The following CORO2B variants were observed in gnomAD, a reference collection of about 807,000 sequenced individuals.
CORO2B encodes the protein coronin 2B.
In CORO2B, 26 loss-of-function variants were observed where a neutral mutation model predicts 58.8. The observed-to-expected ratio is 0.44, with a 90% CI of 0.32 to 0.61. The LOEUF (loss-of-function observed/expected upper bound fraction) is 0.61. Ranked by LOEUF, CORO2B falls within the 20% of genes least tolerant of loss-of-function variation. CORO2B has a pLI of 0.04. For synonymous variants in CORO2B, 242 were observed against 253.8 expected, an observed-to-expected ratio of 0.95 and a Z score of 0.44; for missense variants, 460 against 645.1, an observed-to-expected ratio of 0.71 and a Z score of 3.11.
the CORO2B span, among the ~76,000 whole-genome samples, chr15:68,556,537 G>A: frequency 1.3e-3 from 195 of 152,330 alleles, 1 homozygote; most frequent in Admixed American, 9.9e-3. Flanking sequence ...ACTCAGGCCC[G>A]AGATGTGAGG....
upstream of CORO2B, among the ~76,000 whole-genome samples, chr15:68,576,053 G>A (rs1040676334): frequency 1.4e-5 from 2 of 147,394 alleles, no homozygotes; most frequent in South Asian, 2.2e-4. Flanking sequence ...CTCAGGAGGT[G>A]GAGGTGGGAG....
intron 1 of CORO2B, among the ~76,000 whole-genome samples, chr15:68,640,508 AT>A (rs1423293813): frequency 3.2e-5 from 3 of 93,078 alleles, no homozygotes; most frequent in African/African-American, 9.7e-5. Flanking sequence ...AGGCAATGCT[AT>A]TTAAAAAAAA....
Position 68,719,242 on chromosome 15 carries a change from A to G in CORO2B, c.1171+8A>G, listed in dbSNP as rs1407782269. On this transcript the variant is annotated splice_region_variant and intron_variant, in intron 10 of 11. Coordinates refer to ENST00000261861, the MANE Select transcript of CORO2B (RefSeq NM_006091.5). ...TGGGAGGCATCAACCGAGGTACCAC[A>G]GCGGGGGGCTCCACAGAGCACAGGC... 2 of 1,613,484 alleles carry G rather than the reference A, an allele frequency of 1.2e-6. No homozygotes were observed. Among genetic ancestry groups the G allele is most frequent in the Non-Finnish European group, 1.7e-6 (2 of 1,179,566 alleles).
intron 1 of CORO2B, chr15:68,616,477 C>T (rs970605244): frequency 1.3e-5 from 12 of 930,298 alleles, no homozygotes; most frequent in African/African-American, 3.6e-5. Context: ...TCTTGCTGCC[C>T]GGCCTGCTGG....
In CORO2B at chr15:68,579,051, G is replaced by A; in HGVS notation, c.-212G>A. ...TCATCTATTATAAATGCACATTCGG[G>A]GCTGACATCAGCGACGAGCGGCGGG... On this transcript the variant is annotated 5_prime_UTR_variant, in exon 1 of 12. Coordinates refer to ENST00000261861, the MANE Select transcript of CORO2B (RefSeq NM_006091.5). 1 of 984,532 alleles carries A rather than the reference G, an allele frequency of 1.0e-6. No homozygotes were observed. Among genetic ancestry groups the A allele is most frequent in the Non-Finnish European group, 1.2e-6 (1 of 829,672 alleles). The allele number at this position is 984,532 out of a possible 1,614,324, so 61.0% of individuals were successfully genotyped here.
the CORO2B span, among the ~76,000 whole-genome samples, chr15:68,545,027 G>A: frequency 3.9e-5 from 6 of 152,016 alleles, no homozygotes; most frequent in East Asian, 1.9e-4. Context: ...CGCCCACCTC[G>A]CCTCCCAAAG....
At chr15:68,598,506 A>G (rs1899896259) in intron 1 of CORO2B, among the ~76,000 whole-genome samples, 2 of 152,234 alleles carry the variant, frequency 1.3e-5, no homozygotes, top group Admixed American at 1.3e-4. Flanking sequence ...TTTCTAAAAA[A>G]GGACTCAACC....
At chr15:68,615,981 T>C (rs1009076475) in intron 1 of CORO2B, among the ~76,000 whole-genome samples, 1 of 152,196 alleles carries the variant, frequency 6.6e-6, no homozygotes, top group Non-Finnish European at 1.5e-5. Context: ...CTGCCGTTTA[T>C]AGAACACCTA....
intron 1 of CORO2B, among the ~76,000 whole-genome samples, chr15:68,589,043 G>A (rs943780244): frequency 1.6e-4 from 25 of 152,116 alleles, no homozygotes; most frequent in Non-Finnish European, 2.9e-4. Context: ...CTGCCTTCCT[G>A]CCTTACTCAT....
intron 2 of CORO2B, among the ~76,000 whole-genome samples, chr15:68,659,759 C>A (rs937574492): frequency 7.9e-5 from 12 of 152,182 alleles, no homozygotes; most frequent in African/African-American, 2.9e-4. Flanking sequence ...CATGGCGAAA[C>A]CCCGTCTCTA....
At chr15:68,722,250 A>C (rs1290535495) in intron 11 of CORO2B, among the ~76,000 whole-genome samples, 1 of 152,200 alleles carries the variant, frequency 6.6e-6, no homozygotes, top group Admixed American at 6.5e-5. Context: ...AACCTGGAGG[A>C]AAAGCTTAAA....
chr15:68,576,527 G>T (rs1294353177), upstream of CORO2B, among the ~76,000 whole-genome samples: 1 of 152,304 alleles, frequency 6.6e-6, no homozygotes, highest in African/African-American at 2.4e-5. Context: ...GACAATCTGG[G>T]ATTTGAAATC....
At chr15:68,636,900 A>G (rs1901048742) in intron 1 of CORO2B, among the ~76,000 whole-genome samples, 1 of 152,174 alleles carries the variant, frequency 6.6e-6, no homozygotes, top group African/African-American at 2.4e-5. Context: ...GCCATATGGT[A>G]GCCACTAGCC....
intron 1 of CORO2B, among the ~76,000 whole-genome samples, chr15:68,585,694 T>C (rs1899536283): frequency 6.6e-6 from 1 of 152,224 alleles, no homozygotes; most frequent in Admixed American, 6.5e-5. Context: ...TTTGTGGCCC[T>C]GCCACTGAGG....
intron 1 of CORO2B, among the ~76,000 whole-genome samples, chr15:68,580,820 C>T (rs887100699): frequency 1.3e-5 from 2 of 152,188 alleles, no homozygotes; most frequent in African/African-American, 4.8e-5. Flanking sequence ...ATTAACTCAG[C>T]GCCTCCCCTG....
At chr15:68,648,045 A>AAG (rs1255725883) in intron 2 of CORO2B, among the ~76,000 whole-genome samples, 2 of 147,490 alleles carry the variant, frequency 1.4e-5, no homozygotes, top group Admixed American at 6.7e-5. Flanking sequence ...AAAAAAAAAA[A>AAG]AAAGAGTCTG....
intron 11 of CORO2B, among the ~76,000 whole-genome samples, chr15:68,725,036 TAAGAA>T (rs960264310): frequency 3.9e-5 from 6 of 152,298 alleles, no homozygotes; most frequent in African/African-American, 1.2e-4. Context: ...TGAGCCTCCT[TAAGAA>T]GAGAAGGATA....
chr15:68,645,487 T>G lies in CORO2B; in HGVS notation c.216+127T>G. ...ACCTTTTACTTCCTCATCAAGCATC[T>G]AGTGGCTATGCCTTCTTTAGGGTTT... is the stretch of plus-strand genomic sequence containing the variant. On this transcript the variant is annotated intron_variant, in intron 2 of 11. Coordinates refer to ENST00000261861, the MANE Select transcript of CORO2B (RefSeq NM_006091.5). This position sits in a 1 kb window ranked among gnomAD's most constrained non-coding sequence, Gnocchi z 4.5. 1.2e-6 allele frequency: 1 copy of G among 838,860 alleles called. No homozygotes were observed. The highest frequency in any genetic ancestry group is 1.8e-6 in the Non-Finnish European group (1 of 549,080). The allele number at this position is 838,860 out of a possible 1,614,324, so 52.0% of individuals were successfully genotyped here.
the CORO2B span, chr15:68,559,585 G>A: frequency 1.0e-6 from 1 of 985,304 alleles, no homozygotes; most frequent in Non-Finnish European, 1.2e-6. This position sits in a 1 kb window ranked among gnomAD's most constrained non-coding sequence, Gnocchi z 4.3. Flanking sequence ...GGGACCAGAC[G>A]GGGAGCAGAC....
Sources: allele counts gnomAD v4.1 joint callset (sites outside exome capture counted in the v4.1 genomes callset), GRCh38; gene constraint gnomAD v4.1.1; non-coding constraint Gnocchi (gnomAD v3.1); transcripts MANE v1.5; gene names NCBI Gene and HGNC (gene_info 2026-07-23, HGNC 2026-07-21).